Variants in FBLN1 observed in about 807,000 individuals in gnomAD.
FBLN1 encodes the protein fibulin-1.
FBLN1 carries 34 observed loss-of-function variants against 89.7 expected under a neutral mutation model. That is an observed-to-expected ratio of 0.38 (90% confidence interval 0.29 to 0.50). The LOEUF (loss-of-function observed/expected upper bound fraction) is 0.50. Among genes scored for constraint, FBLN1 ranks in the 20% least tolerant of loss-of-function variants. The pLI is 0.92. For synonymous variants in FBLN1, 393 were observed against 391.3 expected (o/e 1.00, Z -0.05); for missense variants, 777 against 988.1 (o/e 0.79, Z 2.86).
At chr22:45,548,397 G>T (rs1330568439) in intron 12 of FBLN1, among the ~76,000 whole-genome samples, 1 of 152,076 alleles carries the variant, frequency 6.6e-6, no homozygotes, top group Admixed American at 6.6e-5. Flanking sequence ...CCCCCTGCCC[G>T]CCACATGCAT....
At chr22:45,507,464 C>G (rs79498944) in intron 1 of FBLN1, among the ~76,000 whole-genome samples, 9,772 of 152,190 alleles carry the variant, frequency 0.064, 377 homozygotes, top group Non-Finnish European at 0.077. Context: ...ATTTAGTAAC[C>G]AATGTCGTCA....
rs1248296448 is a variant in FBLN1 at position 45,580,288 on chromosome 22, T to C, written c.1972+3180T>C. Among the ~76,000 whole-genome samples, 2 of 152,136 alleles carry C rather than the reference T, an allele frequency of 1.3e-5. No homozygotes were observed. The highest frequency in any genetic ancestry group is 1.3e-4 in the Admixed American group (2 of 15,284). On this transcript the variant is annotated intron_variant, in intron 16 of 16. Transcript: ENST00000327858. This position sits in a 1 kb window ranked among gnomAD's most constrained non-coding sequence, Gnocchi z 8.6. The stretch of plus-strand genomic sequence containing the variant: ...GAGCGTGGGAGGCTCTTGAGCCTCC[T>C]GGGCAGCCCCGTGCAGCTCTGTGCT...
At position 45,574,772 on chromosome 22, in the gene FBLN1, ACTTT is replaced by A. The variant is rs1384428847; in HGVS notation, c.1840+124_1840+127del. Reference sequence around the variant, plus strand: ...TGTGGCCCAGGCTTTGAAATGCAGAACTTTCTTTTTTTTTTTTTTTTTTTTTTGA... The same window carrying A: ...TGTGGCCCAGGCTTTGAAATGCAGAACTTTTTTTTTTTTTTTTTTTTTTGA... On this transcript the variant is annotated intron_variant, in intron 15 of 16. Transcript: ENST00000327858. This position sits in a 1 kb window ranked among gnomAD's most constrained non-coding sequence, Gnocchi z 4.1. The A allele has an allele frequency of 1.1e-5, 8 of 720,222 alleles. No individual in the cohort carries two copies. Among genetic ancestry groups the A allele is most frequent in the South Asian group, 1.0e-4 (5 of 50,176 alleles). 44.6% of individuals were successfully genotyped at this position (720,222 alleles called of 1,614,324 possible). A position where few individuals can be genotyped will look rare whatever the true frequency, so the allele number is the denominator to read the frequency against.
At chr22:45,589,574 T>A (rs545842304) in intron 16 of FBLN1, among the ~76,000 whole-genome samples, 153 of 152,314 alleles carry the variant, frequency 1.0e-3, no homozygotes, top group Non-Finnish European at 1.7e-3. Context: ...AGGGGGCCCC[T>A]TTCTGCCCTG....
intron 14 of FBLN1, among the ~76,000 whole-genome samples, chr22:45,555,807 A>G (rs2088781106): frequency 6.6e-6 from 1 of 152,198 alleles, no homozygotes; most frequent in Admixed American, 6.5e-5. Context: ...TACACCTAAC[A>G]TAACTATACT....
At chr22:45,600,286 C>T (rs752736294) in intron 16 of FBLN1, 21 bp from the exon 17 acceptor site, 1 of 1,614,208 alleles carries the variant, frequency 6.2e-7, no homozygotes, top group Non-Finnish European at 8.5e-7. Context: ...ACTTCCAGCA[C>T]ACCTTCTGCT....
Position 45,563,158 on chromosome 22 carries a change from C to T in FBLN1, c.1698-11353C>T. On this transcript the variant is annotated intron_variant, in intron 14 of 16. Transcript: ENST00000327858. This position sits in a 1 kb window ranked among gnomAD's most constrained non-coding sequence, Gnocchi z 5.7. The stretch of plus-strand genomic sequence containing the variant: ...GGGTGGTGGCCCTCACCAAGCCTGT[C>T]CCCGAGCCCAGGGACTTGCTCCTGA... The T allele has an allele frequency of 3.7e-6, 6 of 1,613,670 alleles. No individual in the cohort carries two copies. Among genetic ancestry groups the T allele is most frequent in the South Asian group, 1.1e-5 (1 of 91,078 alleles).
intron 14 of FBLN1, among the ~76,000 whole-genome samples, chr22:45,555,287 A>ATG (rs1382353330): frequency 5.1e-5 from 7 of 136,728 alleles, no homozygotes; most frequent in Admixed American, 2.2e-4. Context: ...ATATATATAT[A>ATG]TATAAAATGG....
chr22:45,587,128 G>A (rs527358529), intron 16 of FBLN1, among the ~76,000 whole-genome samples: 10 of 152,222 alleles, frequency 6.6e-5, no homozygotes, highest in Admixed American at 2.0e-4. Flanking sequence ...ATGTACGTGC[G>A]CATCATGGCA....
At position 45,503,040 on chromosome 22, in the gene FBLN1, G is replaced by T. The variant is rs2087967726; in HGVS notation, c.55G>T (p.Gly19Cys). The change falls in exon 1 of 17, where the codon GGC (glycine) becomes TGC (cysteine). Residue 19 changes from glycine to cysteine, a missense_variant. Transcript: ENST00000327858. The part of the protein sequence containing the change: ...RVPLPLLLLG[G>C]LALLAAGVDA... Reference sequence around the variant, plus strand: ...CCCGCTTCCGCTGCTGCTGCTCGGCGGCCTTGCGCTGCTGGCGGCCGGAGG... The same window carrying T: ...CCCGCTTCCGCTGCTGCTGCTCGGCTGCCTTGCGCTGCTGGCGGCCGGAGG... 2.4e-6 allele frequency: 3 copies of T among 1,249,696 alleles called. No individual in the cohort carries two copies. The highest frequency in any genetic ancestry group is 1.0e-6 in the Non-Finnish European group (1 of 997,450). 77.4% of individuals were successfully genotyped at this position (1,249,696 alleles called of 1,614,324 possible).
At chr22:45,518,884 G>GT in intron 2 of FBLN1, 97 bp downstream of exon 2, 1 of 1,124,964 alleles carries the variant, frequency 8.9e-7, no homozygotes, top group Non-Finnish European at 1.3e-6. Flanking sequence ...CTCGGGAGAG[G>GT]CTGGACACCC....
At chr22:45,546,944 C>T (rs2088636670) in intron 11 of FBLN1, 141 bp from the exon 12 acceptor site, 1 of 1,353,308 alleles carries the variant, frequency 7.4e-7, no homozygotes. Context: ...CCCTCGGCCA[C>T]ACCCCCCGGG....
chr22:45,561,776 T>G lies in FBLN1; in HGVS notation c.1697+11161T>G, dbSNP rs542261683. Reference sequence around the variant, plus strand: ...AGCATTAACTCACACGATCACAAGGTCCCACAATAGGCCATCTGAAGGCTG... The same window carrying G: ...AGCATTAACTCACACGATCACAAGGGCCCACAATAGGCCATCTGAAGGCTG... On this transcript the variant is annotated intron_variant, in intron 14 of 16. Coordinates refer to ENST00000327858, the MANE Select transcript of FBLN1 (RefSeq NM_006486.3). This position sits in a 1 kb window ranked among gnomAD's most constrained non-coding sequence, Gnocchi z 4.7. Among the ~76,000 whole-genome samples the G allele has an allele frequency of 8.5e-5, 13 of 152,172 alleles. No homozygotes were observed. The highest frequency in any genetic ancestry group is 1.2e-4 in the Non-Finnish European group (8 of 68,004).
At chr22:45,600,167 G>A (rs1004402520) in intron 16 of FBLN1, 140 bp from the exon 17 acceptor site, 16 of 973,530 alleles carry the variant, frequency 1.6e-5, no homozygotes, top group Middle Eastern at 3.1e-4. Flanking sequence ...CAGGGGACTC[G>A]AGCATCTGGC....
In FBLN1 at chr22:45,541,374, T is replaced by C; in HGVS notation, c.1066+2T>C. 1 of 1,614,210 alleles carries C rather than the reference T, an allele frequency of 6.2e-7. No individual in the cohort carries two copies. The highest frequency in any genetic ancestry group is 8.5e-7 in the Non-Finnish European group (1 of 1,180,048). ...ACGAGGAGGGAACGCGCTGTGTTGG[T>C]TGGTATTAAGAAAACAAATCTGAAA... On this transcript the variant is annotated splice_donor_variant, in intron 9 of 16. Coordinates refer to ENST00000327858, the MANE Select transcript of FBLN1 (RefSeq NM_006486.3). LOFTEE classifies it high-confidence loss of function.
chr22:45,525,534 C>A lies in FBLN1; in HGVS notation c.186-9C>A, dbSNP rs375315857. 9 of 1,548,928 alleles carry A rather than the reference C, an allele frequency of 5.8e-6. No homozygotes were observed. In the African/African-American group the frequency reaches 1.1e-4, roughly 19 times the overall value. On this transcript the variant is annotated splice_polypyrimidine_tract_variant and intron_variant, in intron 2 of 16. Coordinates refer to ENST00000327858, the MANE Select transcript of FBLN1 (RefSeq NM_006486.3). ...CAGAGCCTTGGCCCAGCCCACCCCT[C>A]ACCCACAGGATGGTGCAGGAGCAGT...
Position 45,597,082 on chromosome 22 carries a change from A to G in FBLN1, c.1973-3225A>G, listed in dbSNP as rs2089193855. Among the ~76,000 whole-genome samples, 1 of 151,980 alleles carries G rather than the reference A, an allele frequency of 6.6e-6. No homozygotes were observed. The highest frequency in any genetic ancestry group is 1.5e-5 in the Non-Finnish European group (1 of 67,998). On this transcript the variant is annotated intron_variant, in intron 16 of 16. Transcript: ENST00000327858. This position sits in a 1 kb window ranked among gnomAD's most constrained non-coding sequence, Gnocchi z 4.2. ...AGTGGCACAATCTTGGCTCATTGCA[A>G]CCTTGACCTTCCCGGGCTCAAACAA...
Position 45,525,135 on chromosome 22 carries a change from GAGAA to G in FBLN1, c.186-396_186-393del, listed in dbSNP as rs754358073. Among the ~76,000 whole-genome samples, 400 of 146,436 alleles carry G rather than the reference GAGAA, an allele frequency of 2.7e-3. 1 individual carries two copies. Among genetic ancestry groups the G allele is most frequent in the African/African-American group, 9.5e-3 (374 of 39,170 alleles). ...AGAGAGAGAGAGAAAGAAAAACAGA[GAGAA>G]AGAAAGAAAGAGGAAGAGAAGGAAA... On this transcript the variant is annotated intron_variant, in intron 2 of 16. Transcript: ENST00000327858.
Position 45,533,080 on chromosome 22 carries a change from C to T in FBLN1, c.562C>T (p.Gln188Ter). The T allele has an allele frequency of 6.2e-7, 1 of 1,614,126 alleles. No homozygotes were observed. Among genetic ancestry groups the T allele is most frequent in the Non-Finnish European group, 8.5e-7 (1 of 1,179,966 alleles). Residue 188 changes from glutamine to a stop codon, truncating the protein, a stop_gained, in exon 6 of 17, where the codon CAG (glutamine) becomes TAG (stop). Transcript: ENST00000327858. LOFTEE classifies it high-confidence loss of function. ...DRCRGGGPCK[Q>*]QCRDTGDEVV... ...GCTTCCAGGAGGCGGGCCCTGCAAG[C>T]AGCAGTGCCGAGACACGGGTGACGA...
Sources: gnomAD v4.1 joint callset for allele counts (sites outside exome capture counted in the v4.1 genomes callset) on GRCh38, gnomAD v4.1.1 for gene constraint, Gnocchi (gnomAD v3.1) non-coding constraint, MANE v1.5 for transcripts, NCBI Gene and HGNC (gene_info 2026-07-23, HGNC 2026-07-21) for gene names.